The following WASHC3 variants were observed in gnomAD, a reference collection of about 807,000 sequenced individuals.
WASHC3 encodes the protein WASH complex subunit 3, also known as WASH complex subunit CCDC53.
Under a neutral mutation model 26.1 loss-of-function variants are expected in WASHC3, and 24 were observed. The observed-to-expected ratio is 0.92, with a 90% CI of 0.66 to 1.29. The LOEUF (loss-of-function observed/expected upper bound fraction) is 1.29. WASHC3 is among the 50% of genes most tolerant of loss of function. WASHC3 has a pLI of 0.00. For synonymous variants in WASHC3, 77 were observed against 75.7 expected, an observed-to-expected ratio of 1.02 and a Z score of -0.09; for missense variants, 214 against 229.6, an observed-to-expected ratio of 0.93 and a Z score of 0.44.
chr12:102,057,465 G>A (rs1045226377), intron 2 of WASHC3, among the ~76,000 whole-genome samples: 18 of 152,032 alleles, frequency 1.2e-4, no homozygotes, highest in Non-Finnish European at 2.5e-4. Flanking sequence ...TGGAAAAAAG[G>A]AAATGAAATT....
chr12:102,028,340 G>T lies in WASHC3; in HGVS notation c.436-2302C>A, dbSNP rs371000406. 4.1e-4 allele frequency among the ~76,000 whole-genome samples: 63 copies of T among 152,184 alleles called. No homozygotes were observed. In the South Asian group the frequency reaches 8.9e-3, roughly 22 times the overall value. On this transcript the variant is annotated intron_variant, in intron 5 of 6. Transcript: ENST00000240079. ...ATTCAATTATTTAGGATAACAGGGG[G>T]TAAGTTAGGAGTTTGAAACATTCCA... is the stretch of plus-strand genomic sequence containing the variant.
chr12:102,030,826 T>G (rs929439065), intron 5 of WASHC3, among the ~76,000 whole-genome samples: 2 of 152,238 alleles, frequency 1.3e-5, no homozygotes, highest in African/African-American at 4.8e-5. Context: ...GCCCACTACA[T>G]GGCCAGTACT....
chr12:102,043,282 A>G lies in WASHC3; in HGVS notation c.324+823T>C, dbSNP rs372969312. On this transcript the variant is annotated intron_variant, in intron 4 of 6. Transcript: ENST00000240079. ...TGTTTTATTTATTTATTTATTTTTT[A>G]TTTTTGAGGCAGGGACTTGCGCTGT... Among the ~76,000 whole-genome samples the G allele has an allele frequency of 2.3e-4, 35 of 152,038 alleles. No homozygotes were observed. In the South Asian group the frequency reaches 7.3e-3, roughly 32 times the overall value.
At chr12:102,036,507 G>C (rs1044752645) in intron 5 of WASHC3, among the ~76,000 whole-genome samples, 2 of 152,206 alleles carry the variant, frequency 1.3e-5, no homozygotes, top group Non-Finnish European at 2.9e-5. Context: ...CTAGTTTTAG[G>C]ATGGCAGTTT....
intron 2 of WASHC3, among the ~76,000 whole-genome samples, chr12:102,053,810 T>G (rs1012026831): frequency 1.3e-5 from 2 of 152,218 alleles, no homozygotes; most frequent in Non-Finnish European, 2.9e-5. Flanking sequence ...CAGAATATTC[T>G]AATACTGTCA....
intron 6 of WASHC3, among the ~76,000 whole-genome samples, chr12:102,020,790 G>T (rs10860832): frequency 0.15 from 22,755 of 152,144 alleles, 1,810 homozygotes; most frequent in Non-Finnish European, 0.18. Flanking sequence ...GCAATAGGTG[G>T]TCTTAAGAGA....
chr12:102,056,947 G>A (rs1183077862), intron 2 of WASHC3, among the ~76,000 whole-genome samples: 1 of 152,092 alleles, frequency 6.6e-6, no homozygotes, highest in Non-Finnish European at 1.5e-5. Context: ...TCCAAAGCCA[G>A]ACAAATCCAC....
At chr12:102,025,808 A>G (rs951735322) in intron 6 of WASHC3, 166 bp downstream of exon 6, 1 of 572,664 alleles carries the variant, frequency 1.7e-6, no homozygotes, top group Non-Finnish European at 3.0e-6. Context: ...GTAGAATATG[A>G]TATTTTTCTG....
Position 102,044,203 on chromosome 12 carries a change from T to C in WASHC3, c.226A>G (p.Ile76Val). Residue 76 changes from isoleucine to valine, a missense_variant, in exon 4 of 7, where the codon ATC (isoleucine) becomes GTC (valine). Coordinates refer to ENST00000240079, the MANE Select transcript of WASHC3 (RefSeq NM_016053.4). ...ACTGTGACATCATCTAGGCCTGGGATAGATGACAACTGAGAAAAGAAAATT... is the reference window on the plus strand; with the variant it reads ...ACTGTGACATCATCTAGGCCTGGGACAGATGACAACTGAGAAAAGAAAATT... The part of the protein sequence containing the change: ...LNILDAKLSS[I>V]PGLDDVTVEV... 1 of 1,588,706 alleles carries C rather than the reference T, an allele frequency of 6.3e-7. No individual in the cohort carries two copies. The highest frequency in any genetic ancestry group is 8.6e-7 in the Non-Finnish European group (1 of 1,162,620).
upstream of WASHC3, chr12:102,062,106 T>C (rs997923048): frequency 6.2e-6 from 4 of 647,532 alleles, no homozygotes; most frequent in Admixed American, 1.2e-4. Flanking sequence ...CTCCGCTCAC[T>C]AATCACTCGG....
intron 1 of WASHC3, 96 bp downstream of exon 1, chr12:102,061,816 G>GGGT: frequency 9.3e-7 from 1 of 1,070,190 alleles, no homozygotes; most frequent in Non-Finnish European, 1.4e-6. Flanking sequence ...GGCCGTGACA[G>GGGT]GGTGGGGACT....
At position 102,059,103 on chromosome 12, in the gene WASHC3, G is replaced by A. The variant is rs540962092; in HGVS notation, c.150+2145C>T. Among the ~76,000 whole-genome samples, 3 of 152,146 alleles carry A rather than the reference G, an allele frequency of 2.0e-5. No individual in the cohort carries two copies. In the South Asian group the frequency reaches 6.2e-4, roughly 32 times the overall value. On this transcript the variant is annotated intron_variant, in intron 2 of 6. Transcript: ENST00000240079. ...ATACAAAATTTCAGTTAGGCAGGAG[G>A]AATAAGTTCAAGAGATCTCCTACAT...
chr12:102,046,752 C>T (rs1016227363), intron 2 of WASHC3, among the ~76,000 whole-genome samples: 2 of 152,028 alleles, frequency 1.3e-5, no homozygotes, highest in Admixed American at 6.5e-5. Flanking sequence ...AGAATAGTAC[C>T]CTGACACTTA....
At chr12:102,042,186 G>C (rs1369982861) in intron 4 of WASHC3, among the ~76,000 whole-genome samples, 1 of 152,088 alleles carries the variant, frequency 6.6e-6, no homozygotes, top group Non-Finnish European at 1.5e-5. Flanking sequence ...ATATTTAATT[G>C]AGAGAATGTA....
chr12:102,043,174 T>G (rs980108918), intron 4 of WASHC3, among the ~76,000 whole-genome samples: 1 of 152,204 alleles, frequency 6.6e-6, no homozygotes, highest in African/African-American at 2.4e-5. Flanking sequence ...AGATGCTTCA[T>G]TCTAACAAGC....
chr12:102,044,056 C>A, intron 4 of WASHC3, 49 bp downstream of exon 4: 1 of 902,296 alleles, frequency 1.1e-6, no homozygotes, highest in South Asian at 1.6e-5. Flanking sequence ...CTGCTTAACA[C>A]TATCAGTTTC....
At chr12:102,039,690 T>A (rs1046865462) in intron 5 of WASHC3, among the ~76,000 whole-genome samples, 178 bp downstream of exon 5, 1 of 152,076 alleles carries the variant, frequency 6.6e-6, no homozygotes, top group Non-Finnish European at 1.5e-5. Flanking sequence ...TTCTAAAGAT[T>A]TGACTTCCTT....
chr12:102,062,068 C>T (rs1348958815), upstream of WASHC3: 5 of 930,238 alleles, frequency 5.4e-6, no homozygotes, highest in African/African-American at 3.3e-5. Context: ...TGCCCGCCTC[C>T]GGGGCCCTTC....
intron 2 of WASHC3, among the ~76,000 whole-genome samples, 185 bp from the exon 3 acceptor site, chr12:102,046,304 CT>C (rs71877323): frequency 3.3e-5 from 5 of 149,504 alleles, no homozygotes; most frequent in African/African-American, 2.4e-5. Context: ...TTCTCAGTTT[CT>C]TTTTTTTTTG....
Sources: gnomAD v4.1 joint callset for allele counts (sites outside exome capture counted in the v4.1 genomes callset) on GRCh38, gnomAD v4.1.1 for gene constraint, MANE v1.5 for transcripts, NCBI Gene and HGNC (gene_info 2026-07-23, HGNC 2026-07-21) for gene names.